Variants in PPP1R35 observed in about 807,000 individuals in gnomAD.
PPP1R35 encodes protein phosphatase 1 regulatory subunit 35.
PPP1R35 carries 23 observed loss-of-function variants against 22.2 expected under a neutral mutation model. The observed-to-expected ratio is 1.04, with a 90% CI of 0.75 to 1.47. The LOEUF is 1.47. PPP1R35 is among the 40% of genes most tolerant of loss of function. The probability of loss-of-function intolerance (pLI) is 0.00; values close to 1 mark genes in which losing one functional copy is unlikely to be tolerated. For synonymous variants in PPP1R35, 198 were observed against 165.7 expected (o/e 1.19, Z -1.50); for missense variants, 409 against 349.6 (o/e 1.17, Z -1.36).
chr7:100,436,358 C>A lies in PPP1R35; in HGVS notation c.17G>T (p.Gly6Val). 1 of 1,486,654 alleles carries A rather than the reference C, an allele frequency of 6.7e-7. No homozygotes were observed. The highest frequency in any genetic ancestry group is 9.0e-7 in the Non-Finnish European group (1 of 1,115,524). 92.1% of individuals were successfully genotyped at this position (1,486,654 alleles called of 1,614,324 possible). The change falls in exon 1 of 4, where the codon GGG (glycine) becomes GTG (valine). Residue 6 changes from glycine (G) to valine (V), a missense_variant. Physicochemically the swap from Gly to Val is moderately radical, Grantham distance 109 (BLOSUM62 -3). Coordinates refer to ENST00000292330, the MANE Select transcript of PPP1R35 (RefSeq NM_145030.4). ...GTCCGCCGACTTCAGCTCTGACTCC[C>A]CACAACCCATCATCATCTTTGGAGG... MMMGC[G>V]ESELKSADGE...
At position 100,435,712 on chromosome 7, in the gene PPP1R35, C is replaced by CA. The variant is rs1421677814; in HGVS notation, c.506dup (p.Pro170AlafsTer41). The CA allele has an allele frequency of 6.2e-7, 1 of 1,604,432 alleles. No individual in the cohort carries two copies. The highest frequency in any genetic ancestry group is 2.2e-5 in the East Asian group (1 of 44,632). Reference sequence around the variant, plus strand: ...CGGCATTCAGAACCTGTTCCTCCGGCACCTGCAGGCTCACCAGGTCCCGGA... The same window carrying CA: ...CGGCATTCAGAACCTGTTCCTCCGGCAACCTGCAGGCTCACCAGGTCCCGGA... On this transcript the variant is annotated frameshift_variant, in exon 3 of 4. Coordinates refer to ENST00000292330, the MANE Select transcript of PPP1R35 (RefSeq NM_145030.4). LOFTEE classifies it high-confidence loss of function.
rs1384079859 is a variant in PPP1R35, at chr7:100,435,549, G to A, written c.589-16C>T. On this transcript the variant is annotated splice_polypyrimidine_tract_variant and intron_variant, in intron 3 of 3. Transcript: ENST00000292330. ...CAGGTGGCTCCTGTTGGGAGGTTGG[G>A]CCCAAAGCAAGGTTACACTTTGGGA... 6.2e-7 allele frequency: 1 copy of A among 1,614,182 alleles called. No individual in the cohort carries two copies. The highest frequency in any genetic ancestry group is 2.2e-5 in the East Asian group (1 of 44,878).
rs1798877371 is a variant in PPP1R35, at chr7:100,436,076, G to A, written c.235-12C>T. 2 of 1,527,268 alleles carry A rather than the reference G, an allele frequency of 1.3e-6. No individual in the cohort carries two copies. The highest frequency in any genetic ancestry group is 2.5e-5 in the East Asian group (1 of 40,200). The allele number at this position is 1,527,268 out of a possible 1,614,324, so 94.6% of individuals were successfully genotyped here. A position where few individuals can be genotyped will look rare whatever the true frequency, so the allele number is the denominator to read the frequency against. ...AGGCGGAAGCGGACCTGGGAGCAGA[G>A]GGCAGGGCAGTGACCAGGTGGGCGC... is the stretch of plus-strand genomic sequence containing the variant. On this transcript the variant is annotated splice_polypyrimidine_tract_variant and intron_variant, in intron 1 of 3. Transcript: ENST00000292330.
In PPP1R35 at chr7:100,435,367, T is replaced by G; in HGVS notation, c.755A>C (p.Glu252Ala). ...FLMHRTLRRW[E>A]A ...TCCAGGGATCTTTGGGGTCTACGCT[T>G]CCCATCGCCTCAGTGTCCGGTGCAT... Residue 252 changes from glutamate to alanine, a missense_variant, in exon 4 of 4, where the codon GAA becomes GCA. Glu to Ala is a moderately radical substitution (Grantham distance 107). Coordinates refer to ENST00000292330, the MANE Select transcript of PPP1R35 (RefSeq NM_145030.4). The G allele has an allele frequency of 6.3e-7, 1 of 1,597,034 alleles. No individual in the cohort carries two copies. Among genetic ancestry groups the G allele is most frequent in the Non-Finnish European group, 8.5e-7 (1 of 1,174,460 alleles).
At position 100,435,721 on chromosome 7, in the gene PPP1R35, G is replaced by T. The variant is rs1416129290; in HGVS notation, c.498C>A (p.Ser166Arg). Reference protein sequence around the residue: ...RSKRLFRDLVSLQVPEEQVLN... With the variant: ...RSKRLFRDLVRLQVPEEQVLN... Reference sequence around the variant, plus strand: ...GAACCTGTTCCTCCGGCACCTGCAGGCTCACCAGGTCCCGGAAGAGCCGCT... The same window carrying T: ...GAACCTGTTCCTCCGGCACCTGCAGTCTCACCAGGTCCCGGAAGAGCCGCT... Residue 166 changes from serine to arginine, a missense_variant, in exon 3 of 4, where the codon AGC becomes AGA. Coordinates refer to ENST00000292330, the MANE Select transcript of PPP1R35 (RefSeq NM_145030.4). 2.5e-6 allele frequency: 4 copies of T among 1,603,284 alleles called. No individual in the cohort carries two copies. The African/African-American group carries it at 4.0e-5, about 16-fold the overall frequency.
Position 100,436,355 on chromosome 7 carries a change from TC to T in PPP1R35, c.19del (p.Glu7SerfsTer4). On this transcript the variant is annotated frameshift_variant, in exon 1 of 4. Coordinates refer to ENST00000292330, the MANE Select transcript of PPP1R35 (RefSeq NM_145030.4). LOFTEE classifies it high-confidence loss of function. MMMGCG[E>X]SELKSADGEE... ...CCCGTCCGCCGACTTCAGCTCTGAC[TC>T]CCCACAACCCATCATCATCTTTGGA... 3 of 1,434,636 alleles carry T rather than the reference TC, an allele frequency of 2.1e-6. No homozygotes were observed. The highest frequency in any genetic ancestry group is 9.2e-7 in the Non-Finnish European group (1 of 1,086,912). 88.9% of individuals were successfully genotyped at this position (1,434,636 alleles called of 1,614,324 possible).
chr7:100,436,657 GCAC>G (rs1441960889), upstream of PPP1R35: 5 of 323,192 alleles, frequency 1.5e-5, no homozygotes, highest in Non-Finnish European at 2.8e-5. Flanking sequence ...CACAGCCTTG[GCAC>G]CGCCCCCAAG....
Position 100,435,852 on chromosome 7 carries a change from G to C in PPP1R35, c.447C>G (p.Ser149=). 6.3e-7 allele frequency: 1 copy of C among 1,589,230 alleles called. No individual in the cohort carries two copies. The highest frequency in any genetic ancestry group is 8.5e-7 in the Non-Finnish European group (1 of 1,173,292). The stretch of plus-strand genomic sequence containing the variant: ...CCGGCCGCCCGCCCCCCTCACCCTC[G>C]GACACGCTCTCCTCCAGGCCGCAGC... ...QIRCGLEESV[S]EGLNVPRSKR... is the part of the protein sequence containing the mutation. Residue 149 remains serine (S), a synonymous_variant, in exon 2 of 4, where the codon TCC becomes TCG. Transcript: ENST00000292330.
chr7:100,436,587 C>G, upstream of PPP1R35: 1 of 402,200 alleles, frequency 2.5e-6, no homozygotes, highest in Non-Finnish European at 4.4e-6. Flanking sequence ...CCCAGGTTTC[C>G]GGCAGGCTTC....
At position 100,436,229 on chromosome 7, in the gene PPP1R35, C is replaced by T; in HGVS notation, c.146G>A (p.Arg49Gln). 1 of 1,277,326 alleles carries T rather than the reference C, an allele frequency of 7.8e-7. No homozygotes were observed. The highest frequency in any genetic ancestry group is 9.9e-7 in the Non-Finnish European group (1 of 1,010,086). The allele number at this position is 1,277,326 out of a possible 1,614,324, so 79.1% of individuals were successfully genotyped here. Reference protein sequence around the residue: ...EPGLDLSLSPRPDSPQPRHGS... With the variant: ...EPGLDLSLSPQPDSPQPRHGS... ...GTGCCGCGGCTGAGGGCTGTCGGGC[C>T]GCGGGCTCAGGCTCAAGTCCAGGCC... is the stretch of plus-strand genomic sequence containing the variant. Residue 49 changes from arginine (R) to glutamine (Q), a missense_variant, in exon 1 of 4, where the codon CGG becomes CAG. Coordinates refer to ENST00000292330, the MANE Select transcript of PPP1R35 (RefSeq NM_145030.4).
chr7:100,436,058 A>C lies in PPP1R35; in HGVS notation c.241T>G (p.Phe81Val). The C allele has an allele frequency of 6.5e-7, 1 of 1,534,908 alleles. No homozygotes were observed. Among genetic ancestry groups the C allele is most frequent in the Non-Finnish European group, 8.7e-7 (1 of 1,146,810 alleles). The part of the protein sequence containing the change: ...GAARQRRQVR[F>V]RLTPPSPVRS... ...ACCGGGGAGGGCGGCGTCAGGCGGA[A>C]GCGGACCTGGGAGCAGAGGGCAGGG... The change falls in exon 2 of 4, where the codon TTC (phenylalanine) becomes GTC (valine). Residue 81 changes from phenylalanine to valine, a missense_variant. Transcript: ENST00000292330.
At position 100,435,301 on chromosome 7, in the gene PPP1R35, TATTCTA is replaced by T; in HGVS notation, c.*53_*58del. 1 of 1,523,904 alleles carries T rather than the reference TATTCTA, an allele frequency of 6.6e-7. No individual in the cohort carries two copies. The highest frequency in any genetic ancestry group is 8.8e-7 in the Non-Finnish European group (1 of 1,137,334). 94.4% of individuals were successfully genotyped at this position (1,523,904 alleles called of 1,614,324 possible). A position where few individuals can be genotyped will look rare whatever the true frequency, so the allele number is the denominator to read the frequency against. On this transcript the variant is annotated 3_prime_UTR_variant, in exon 4 of 4. Transcript: ENST00000292330. ...GTCCCATTTATTAGCAAAATTACTT[TATTCTA>T]ACAAATAGTTTAACACAAAAATACG... is the stretch of plus-strand genomic sequence containing the variant.
Position 100,436,053 on chromosome 7 carries a change from G to T in PPP1R35, c.246C>A (p.Arg82=), listed in dbSNP as rs1213743447. The stretch of plus-strand genomic sequence containing the variant: ...ACCGCACCGGGGAGGGCGGCGTCAG[G>T]CGGAAGCGGACCTGGGAGCAGAGGG... ...AARQRRQVRF[R]LTPPSPVRSE... Residue 82 remains arginine, a synonymous_variant, in exon 2 of 4, where the codon CGC becomes CGA. Transcript: ENST00000292330. 6.5e-7 allele frequency: 1 copy of T among 1,535,610 alleles called. No homozygotes were observed. Among genetic ancestry groups the T allele is most frequent in the Admixed American group, 2.0e-5 (1 of 51,036 alleles).
At position 100,435,748 on chromosome 7, in the gene PPP1R35, G is replaced by T; in HGVS notation, c.471C>A (p.Ser157=). Residue 157 remains serine (S), a synonymous_variant, in exon 3 of 4, where the codon TCC becomes TCA. Coordinates refer to ENST00000292330, the MANE Select transcript of PPP1R35 (RefSeq NM_145030.4). The part of the protein sequence containing the change: ...SVSEGLNVPR[S]KRLFRDLVSL... ...TCACCAGGTCCCGGAAGAGCCGCTT[G>T]GAGCGCGGCACGTTCAGCCCTGAGA... is the stretch of plus-strand genomic sequence containing the variant. The T allele has an allele frequency of 6.2e-7, 1 of 1,600,930 alleles. No homozygotes were observed.
chr7:100,435,817 C>G (rs1425956669), intron 2 of PPP1R35, 31 bp downstream of exon 2: 4 of 1,576,746 alleles, frequency 2.5e-6, no homozygotes, highest in Non-Finnish European at 3.4e-6. Context: ...ACCCCGACTC[C>G]CGCACGCGGC....
At position 100,435,871 on chromosome 7, in the gene PPP1R35, C is replaced by T; in HGVS notation, c.428G>A (p.Gly143Asp). 6.3e-7 allele frequency: 1 copy of T among 1,595,592 alleles called. No individual in the cohort carries two copies. The highest frequency in any genetic ancestry group is 8.5e-7 in the Non-Finnish European group (1 of 1,176,028). ...ACCCTCGGACACGCTCTCCTCCAGG[C>T]CGCAGCGGATCTGGAACGACTTTCT... The part of the protein sequence containing the change: ...QLRKSFQIRC[G>D]LEESVSEGLN... The change falls in exon 2 of 4, where the codon GGC becomes GAC. Residue 143 changes from glycine (G) to aspartate (D), a missense_variant. Coordinates refer to ENST00000292330, the MANE Select transcript of PPP1R35 (RefSeq NM_145030.4).
chr7:100,435,710 G>C lies in PPP1R35; in HGVS notation c.509C>G (p.Pro170Arg). The change falls in exon 3 of 4, where the codon CCG (proline) becomes CGG (arginine). Residue 170 changes from proline (P) to arginine (R), a missense_variant. Pro to Arg is a moderately radical substitution (Grantham distance 103, BLOSUM62 -2). Coordinates refer to ENST00000292330, the MANE Select transcript of PPP1R35 (RefSeq NM_145030.4). Reference protein sequence around the residue: ...LFRDLVSLQVPEEQVLNAALR... With the variant: ...LFRDLVSLQVREEQVLNAALR... Reference sequence around the variant, plus strand: ...CGCGGCATTCAGAACCTGTTCCTCCGGCACCTGCAGGCTCACCAGGTCCCG... The same window carrying C: ...CGCGGCATTCAGAACCTGTTCCTCCCGCACCTGCAGGCTCACCAGGTCCCG... 1.2e-6 allele frequency: 2 copies of C among 1,604,016 alleles called. No individual in the cohort carries two copies. Among genetic ancestry groups the C allele is most frequent in the African/African-American group, 1.3e-5 (1 of 75,020 alleles).
In PPP1R35 at chr7:100,435,521, G is replaced by A. The variant is rs752979340; in HGVS notation, c.601C>T (p.Pro201Ser). The change falls in exon 4 of 4, where the codon CCT (proline) becomes TCT (serine). Residue 201 changes from proline (P) to serine (S), a missense_variant. Physicochemically the swap from Pro to Ser is moderately conservative, Grantham distance 74. Coordinates refer to ENST00000292330, the MANE Select transcript of PPP1R35 (RefSeq NM_145030.4). ...CACAAGATGGTCATGTCTGGCCCAG[G>A]CCCAGGTGGCTCCTGTTGGGAGGTT... ...RAPHPKEPPG[P>S]GPDMTILCDP... is the part of the protein sequence containing the mutation. 2.5e-6 allele frequency: 4 copies of A among 1,614,052 alleles called. No individual in the cohort carries two copies. In the South Asian group the frequency reaches 3.3e-5, roughly 13 times the overall value.
Position 100,435,811 on chromosome 7 carries a change from C to G in PPP1R35, c.451+37G>C, listed in dbSNP as rs760972958. On this transcript the variant is annotated intron_variant, in intron 2 of 3. Transcript: ENST00000292330. ...CGGAGGTGAGTGGCGCGCCTCACCC[C>G]GACTCCCGCACGCGGCCGGCCGCCC... is the stretch of plus-strand genomic sequence containing the variant. 32 of 1,581,084 alleles carry G rather than the reference C, an allele frequency of 2.0e-5. No individual in the cohort carries two copies. In the South Asian group the frequency reaches 3.4e-4, roughly 17 times the overall value.
Sources: gnomAD v4.1 joint callset for allele counts on GRCh38, gnomAD v4.1.1 for gene constraint, MANE v1.5 for transcripts, NCBI Gene and HGNC (gene_info 2026-07-23, HGNC 2026-07-21) for gene names.